ATRN: variants seen among roughly 807,000 people sequenced by gnomAD.
The protein encoded by ATRN is attractin.
In ATRN, 54 loss-of-function variants were observed where a neutral mutation model predicts 178.7. The ratio of observed to expected loss-of-function variants is 0.30; its 90% CI spans 0.24 to 0.38. The LOEUF is 0.38. ATRN is among the 10% of genes least tolerant of loss of function. ATRN has a pLI of 1.00. For missense variants in ATRN, 1,443 were observed against 1,815.1 expected (o/e 0.79, Z 3.73); for synonymous variants, 636 against 663.0 (o/e 0.96, Z 0.63).
At chr20:3,604,055 C>A (rs755070462) in intron 23 of ATRN, 50 bp from the exon 24 acceptor site, 2 of 1,503,972 alleles carry the variant, frequency 1.3e-6, no homozygotes, top group African/African-American at 1.4e-5. Context: ...CTGTTCTCCC[C>A]CTAGCCCCCC....
intron 27 of ATRN, among the ~76,000 whole-genome samples, chr20:3,641,616 G>A (rs867892919): frequency 1.4e-3 from 106 of 75,992 alleles, no homozygotes; most frequent in South Asian, 9.5e-3. Flanking sequence ...AAAAAAAAAA[G>A]GGAAAAGATC....
intron 13 of ATRN, among the ~76,000 whole-genome samples, 156 bp from the exon 14 acceptor site, chr20:3,576,695 GTCTATCTA>G (rs1555819445): frequency 1.2e-3 from 165 of 142,386 alleles, no homozygotes; most frequent in African/African-American, 3.9e-3. Flanking sequence ...CTGTCTGTCT[GTCTATCTA>G]TCTATCTATC....
chr20:3,547,393 G>A lies in ATRN; in HGVS notation c.847G>A (p.Asp283Asn), dbSNP rs763901740. Residue 283 changes from aspartate (D) to asparagine (N), a missense_variant, in exon 5 of 29, where the codon GAC becomes AAC. Transcript: ENST00000262919. ...TGAAAACTGGAAAGGTGAAGCATGTGACATTCCTCACTGTACAGACAACTG... is the reference window on the plus strand; with the variant it reads ...TGAAAACTGGAAAGGTGAAGCATGTAACATTCCTCACTGTACAGACAACTG... Reference protein sequence around the residue: ...CSENWKGEACDIPHCTDNCGF... With the variant: ...CSENWKGEACNIPHCTDNCGF... 1.2e-6 allele frequency: 2 copies of A among 1,613,800 alleles called. No individual in the cohort carries two copies. The highest frequency in any genetic ancestry group is 2.2e-5 in the South Asian group (2 of 91,072).
intron 17 of ATRN, 81 bp from the exon 18 acceptor site, chr20:3,584,566 A>T: frequency 1.0e-6 from 1 of 953,288 alleles, no homozygotes; most frequent in Non-Finnish European, 1.6e-6. Context: ...AAGCCAGTTG[A>T]ATAGTCTGTT....
At chr20:3,480,375 A>C (rs1350196343) in intron 1 of ATRN, among the ~76,000 whole-genome samples, 1 of 152,176 alleles carries the variant, frequency 6.6e-6, no homozygotes. Flanking sequence ...TAGAACTGTT[A>C]AGAGTTAGCG....
chr20:3,510,377 C>A (rs1183414504), intron 1 of ATRN, among the ~76,000 whole-genome samples: 1 of 152,170 alleles, frequency 6.6e-6, no homozygotes, highest in Non-Finnish European at 1.5e-5. Context: ...GAGAAGCAGC[C>A]ATTGACTATA....
intron 4 of ATRN, 94 bp downstream of exon 4, chr20:3,545,984 G>T: frequency 1.5e-6 from 2 of 1,362,938 alleles, no homozygotes; most frequent in East Asian, 4.7e-5. Flanking sequence ...TGAGAGCCAG[G>T]CATAGCGTCA....
chr20:3,545,665 A>G (rs2085690188), intron 3 of ATRN, 97 bp from the exon 4 acceptor site: 3 of 1,494,650 alleles, frequency 2.0e-6, no homozygotes, highest in African/African-American at 1.4e-5. Flanking sequence ...TGTGGTTTTT[A>G]AATTTTAAGG....
chr20:3,543,440 G>T (rs1187944815), intron 3 of ATRN, among the ~76,000 whole-genome samples: 1 of 152,154 alleles, frequency 6.6e-6, no homozygotes, highest in Non-Finnish European at 1.5e-5. Flanking sequence ...AAAATTGAAG[G>T]GCGAGGCGTG....
At position 3,471,100 on chromosome 20, in the gene ATRN, C is replaced by G; in HGVS notation, c.-8C>G. The G allele has an allele frequency of 6.6e-7, 1 of 1,510,002 alleles. No homozygotes were observed. Among genetic ancestry groups the G allele is most frequent in the Non-Finnish European group, 8.8e-7 (1 of 1,135,932 alleles). 93.5% of individuals were successfully genotyped at this position (1,510,002 alleles called of 1,614,324 possible). On this transcript the variant is annotated 5_prime_UTR_variant, in exon 1 of 29. Coordinates refer to ENST00000262919, the MANE Select transcript of ATRN (RefSeq NM_139321.3). Reference sequence around the variant, plus strand: ...GTGTTCGCGGGGCGCCGTCTCAGCCCCGGGAAGATGGTGGCTGCAGCGGCG... The same window carrying G: ...GTGTTCGCGGGGCGCCGTCTCAGCCGCGGGAAGATGGTGGCTGCAGCGGCG...
chr20:3,612,807 T>A (rs2086784481), intron 24 of ATRN, among the ~76,000 whole-genome samples: 1 of 152,208 alleles, frequency 6.6e-6, no homozygotes, highest in Admixed American at 6.5e-5. Flanking sequence ...CTTTGTTGCT[T>A]ATAGCTGACA....
chr20:3,540,211 A>T lies in ATRN; in HGVS notation c.495-11A>T, dbSNP rs1210648029. On this transcript the variant is annotated splice_polypyrimidine_tract_variant and intron_variant, in intron 2 of 28. Coordinates refer to ENST00000262919, the MANE Select transcript of ATRN (RefSeq NM_139321.3). ...AACTTTATTATAAATTACTTTTTTT[A>T]TTCTTTTCAGGCCAAATAGAATAAT... The T allele has an allele frequency of 1.3e-6, 2 of 1,489,628 alleles. No homozygotes were observed. The highest frequency in any genetic ancestry group is 1.4e-5 in the African/African-American group (1 of 71,034). The allele number at this position is 1,489,628 out of a possible 1,614,324, so 92.3% of individuals were successfully genotyped here. A position where few individuals can be genotyped will look rare whatever the true frequency, so the allele number is the denominator to read the frequency against.
At chr20:3,574,445 G>A (rs769650539) in intron 12 of ATRN, among the ~76,000 whole-genome samples, 4 of 152,164 alleles carry the variant, frequency 2.6e-5, no homozygotes, top group Admixed American at 6.5e-5. Flanking sequence ...AGCCCAGGAC[G>A]TTGAGGCTGC....
At chr20:3,496,570 C>T (rs928834965) in intron 1 of ATRN, among the ~76,000 whole-genome samples, 5 of 151,958 alleles carry the variant, frequency 3.3e-5, no homozygotes, top group Non-Finnish European at 7.4e-5. Context: ...GCTTTACTTC[C>T]AAGTATGTGG....
chr20:3,562,602 C>A, intron 9 of ATRN, 143 bp downstream of exon 9: 1 of 757,882 alleles, frequency 1.3e-6, no homozygotes, highest in Non-Finnish European at 2.1e-6. Flanking sequence ...GGGAAATAAA[C>A]AGAGGGTAAT....
chr20:3,616,439 G>C (rs2086847802), intron 24 of ATRN, among the ~76,000 whole-genome samples: 1 of 151,812 alleles, frequency 6.6e-6, no homozygotes, highest in South Asian at 2.1e-4. Context: ...TGTGTCACCT[G>C]AGTCCAAGTT....
intron 1 of ATRN, among the ~76,000 whole-genome samples, chr20:3,523,905 C>G (rs762793773): frequency 1.3e-5 from 2 of 152,192 alleles, no homozygotes. Context: ...CTTACAAGAG[C>G]TCCTGAAGGA....
chr20:3,574,669 A>T (rs1262947883), intron 12 of ATRN, among the ~76,000 whole-genome samples: 1 of 152,264 alleles, frequency 6.6e-6, no homozygotes, highest in Non-Finnish European at 1.5e-5. Flanking sequence ...ACCAAATTTT[A>T]AAAGTTCAAA....
chr20:3,582,606 T>C (rs183994045), intron 16 of ATRN, among the ~76,000 whole-genome samples: 1 of 152,074 alleles, frequency 6.6e-6, no homozygotes, highest in African/African-American at 2.4e-5. Context: ...TAATTAACAA[T>C]GAGATTGATA....
Sources: gnomAD v4.1 joint callset for allele counts (sites outside exome capture counted in the v4.1 genomes callset) on GRCh38, gnomAD v4.1.1 for gene constraint, MANE v1.5 for transcripts, NCBI Gene and HGNC (gene_info 2026-07-23, HGNC 2026-07-21) for gene names.